The following HSD17B12 variants were observed in gnomAD, a reference collection of about 807,000 sequenced individuals.
The protein encoded by HSD17B12 is hydroxysteroid 17-beta dehydrogenase 12, also known as very-long-chain 3-oxoacyl-CoA reductase.
A neutral mutation model predicts 39.3 loss-of-function variants in HSD17B12; 32 were observed. The observed-to-expected ratio is 0.81, with a 90% confidence interval of 0.61 to 1.09. The LOEUF (loss-of-function observed/expected upper bound fraction) is 1.09, where lower values mean the gene tolerates loss of function less well. Among genes scored for constraint, HSD17B12 ranks in the 50% least tolerant of loss-of-function variants. HSD17B12 has a pLI of 0.00. For synonymous variants in HSD17B12, 150 were observed against 146.7 expected, an observed-to-expected ratio of 1.02 and a Z score of -0.16; for missense variants, 342 against 382.9, an observed-to-expected ratio of 0.89 and a Z score of 0.89.
At chr11:43,588,606 TTAGC>T in the HSD17B12 span, among the ~76,000 whole-genome samples, 1 of 105,568 alleles carries the variant, frequency 9.5e-6, no homozygotes. Context: ...ATTATTATTA[TTAGC>T]TATTATTATT....
At chr11:43,610,148 C>G in the HSD17B12 span, among the ~76,000 whole-genome samples, 1,316 of 152,158 alleles carry the variant, frequency 8.6e-3, 19 homozygotes, top group African/African-American at 0.03. Flanking sequence ...TTGAATTATT[C>G]CATTATTGTT....
chr11:43,605,435 A>C, the HSD17B12 span, among the ~76,000 whole-genome samples: 3 of 151,766 alleles, frequency 2.0e-5, no homozygotes, highest in African/African-American at 7.3e-5. Flanking sequence ...GTGGCATATG[A>C]CTGTAACTCC....
intron 3 of HSD17B12, among the ~76,000 whole-genome samples, chr11:43,776,181 A>G (rs1950701843): frequency 6.6e-6 from 1 of 152,106 alleles, no homozygotes; most frequent in African/African-American, 2.4e-5. Flanking sequence ...GAATCGCCAC[A>G]CTGACTTCCA....
chr11:43,616,010 G>C, the HSD17B12 span, among the ~76,000 whole-genome samples: 3 of 152,110 alleles, frequency 2.0e-5, no homozygotes, highest in Admixed American at 1.3e-4. Context: ...GTGTGAGTGA[G>C]AGCGAGAGTG....
chr11:43,848,633 G>A (rs1951501752), intron 9 of HSD17B12: 1 of 152,110 alleles, frequency 6.6e-6, no homozygotes, highest in Admixed American at 6.6e-5. Context: ...GTATAATAAG[G>A]AAGATTCTAT....
intron 3 of HSD17B12, among the ~76,000 whole-genome samples, chr11:43,793,701 T>C (rs1950890385): frequency 6.6e-6 from 1 of 152,186 alleles, no homozygotes; most frequent in African/African-American, 2.4e-5. Context: ...CTTGAGACTA[T>C]TTGAGGGTTC....
the HSD17B12 span, chr11:43,673,407 TTTTA>T: frequency 6.5e-6 from 1 of 152,792 alleles, no homozygotes; most frequent in African/African-American, 2.4e-5. Context: ...CATCTGAGTA[TTTTA>T]TTTGTGTAAT....
rs118017647 is a variant in HSD17B12 at position 43,846,839 on chromosome 11, C to T, written c.684+6775C>T. On this transcript the variant is annotated intron_variant, in intron 9 of 10. Transcript: ENST00000278353. ...CACACAAAAGACAAATATTTAAACA[C>T]ATTACACCCACAGTAAGTCCAAAAC... 3.3e-3 allele frequency among the ~76,000 whole-genome samples: 497 copies of T among 152,294 alleles called. 11 individuals carry two copies. The East Asian group carries it at 0.075, about 23-fold the overall frequency.
intron 8 of HSD17B12, 41 bp from the exon 9 acceptor site, chr11:43,839,958 G>A (rs779006758): frequency 4.1e-6 from 6 of 1,449,672 alleles, no homozygotes; most frequent in Non-Finnish European, 5.8e-6. Context: ...GCAGATTGAT[G>A]TAATGTGTGT....
chr11:43,785,828 A>T (rs1207467855), intron 3 of HSD17B12, among the ~76,000 whole-genome samples: 1 of 152,172 alleles, frequency 6.6e-6, no homozygotes, highest in Non-Finnish European at 1.5e-5. Flanking sequence ...TTTATCCATC[A>T]TGACTTTGTA....
intron 4 of HSD17B12, among the ~76,000 whole-genome samples, chr11:43,809,490 T>C (rs1565097151): frequency 6.6e-6 from 1 of 152,162 alleles, no homozygotes; most frequent in South Asian, 2.1e-4. Flanking sequence ...TTCAGTTTAT[T>C]TTGAAATATA....
chr11:43,680,929 C>T lies in HSD17B12; in HGVS notation c.102C>T (p.Leu34=), dbSNP rs775781506. 26 of 1,613,342 alleles carry T rather than the reference C, an allele frequency of 1.6e-5. No homozygotes were observed. In the South Asian group the frequency reaches 2.3e-4, roughly 14 times the overall value. Residue 34 remains leucine (L), a synonymous_variant, in exon 1 of 11, where the codon CTC becomes CTT. Coordinates refer to ENST00000278353, the MANE Select transcript of HSD17B12 (RefSeq NM_016142.3). ...LRISYSLFTA[L]RVWGVGNEAG... ...TTTCGTACTCGCTCTTCACGGCCCT[C>T]CGGGTCTGGGGAGTGGGGAATGAGG...
intron 1 of HSD17B12, chr11:43,719,242 G>T: frequency 1.7e-6 from 1 of 575,532 alleles, no homozygotes; most frequent in Non-Finnish European, 3.1e-6. Flanking sequence ...CCATATACAG[G>T]CATTGACATT....
At chr11:43,612,216 G>A in the HSD17B12 span, among the ~76,000 whole-genome samples, 2 of 151,892 alleles carry the variant, frequency 1.3e-5, no homozygotes, top group East Asian at 1.9e-4. Flanking sequence ...TATAATTTGG[G>A]GTATTTTATA....
chr11:43,706,689 G>GGTGTGTGTGTGTGTGT (rs147962977), intron 1 of HSD17B12, among the ~76,000 whole-genome samples: 7,299 of 137,748 alleles, frequency 0.053, 214 homozygotes, highest in Non-Finnish European at 0.067. Flanking sequence ...TGAATGAAGG[G>GGTGTGTGTGTGTGTGT]GTGTGTGTGT....
chr11:43,762,494 G>T (rs2134967990), intron 3 of HSD17B12, among the ~76,000 whole-genome samples: 1 of 152,318 alleles, frequency 6.6e-6, no homozygotes, highest in Non-Finnish European at 1.5e-5. Flanking sequence ...TCTTCCTAAA[G>T]ACTCTATTTT....
chr11:43,639,393 T>C, the HSD17B12 span, among the ~76,000 whole-genome samples: 50 of 152,276 alleles, frequency 3.3e-4, no homozygotes, highest in South Asian at 6.2e-4. Context: ...CTGCTTCCCT[T>C]GGCTGCTCCC....
At chr11:43,829,393 A>G (rs1015770409) in intron 6 of HSD17B12, among the ~76,000 whole-genome samples, 4 of 152,224 alleles carry the variant, frequency 2.6e-5, no homozygotes, top group Non-Finnish European at 4.4e-5. Flanking sequence ...TTAGCATGCC[A>G]TGATATAATT....
At chr11:43,791,084 G>T (rs1323518455) in intron 3 of HSD17B12, among the ~76,000 whole-genome samples, 2 of 152,184 alleles carry the variant, frequency 1.3e-5, no homozygotes, top group African/African-American at 4.8e-5. Context: ...ATTCTTGAAA[G>T]TTCAAAGGCT....
Sources: allele counts gnomAD v4.1 joint callset (sites outside exome capture counted in the v4.1 genomes callset), GRCh38; gene constraint gnomAD v4.1.1; transcripts MANE v1.5; gene names NCBI Gene and HGNC (gene_info 2026-07-23, HGNC 2026-07-21).